ACACA: variants seen among roughly 807,000 people sequenced by gnomAD.
ACACA encodes the protein acetyl-CoA carboxylase 1.
ACACA carries 103 observed loss-of-function variants against 296.1 expected under a neutral mutation model. That is an observed-to-expected ratio of 0.35 (90% CI 0.30 to 0.41). The LOEUF is 0.41. Among genes scored for constraint, ACACA ranks in the 10% least tolerant of loss-of-function variants. ACACA has a pLI of 1.00. For synonymous variants in ACACA, 953 were observed against 1,038.6 expected (o/e 0.92, Z 1.58); for missense variants, 1,554 against 2,989.7 (o/e 0.52, Z 11.20).
At chr17:37,197,689 C>T (rs2078066100) in intron 35 of ACACA, among the ~76,000 whole-genome samples, 1 of 152,162 alleles carries the variant, frequency 6.6e-6, no homozygotes, top group Non-Finnish European at 1.5e-5. Flanking sequence ...TTTCTGCCAA[C>T]GCTTCCTGGC....
intron 54 of ACACA, among the ~76,000 whole-genome samples, chr17:37,094,421 A>T (rs1163873746): frequency 6.6e-6 from 1 of 152,242 alleles, no homozygotes; most frequent in Non-Finnish European, 1.5e-5. Flanking sequence ...CATAGCTAAT[A>T]GATGCCTATC....
intron 43 of ACACA, among the ~76,000 whole-genome samples, chr17:37,153,076 AATTAACTAC>A (rs1257545296): frequency 6.6e-6 from 1 of 152,210 alleles, no homozygotes; most frequent in Non-Finnish European, 1.5e-5. Context: ...TAAGGGGGTT[AATTAACTAC>A]ATTAATTGTA....
chr17:37,350,083 A>C (rs1331166795), intron 1 of ACACA, among the ~76,000 whole-genome samples: 1 of 152,088 alleles, frequency 6.6e-6, no homozygotes, highest in Non-Finnish European at 1.5e-5. Flanking sequence ...TAATCCCAAC[A>C]CTTTCGGAGG....
At chr17:37,279,494 G>A (rs1308025338) in intron 5 of ACACA, among the ~76,000 whole-genome samples, 1 of 151,994 alleles carries the variant, frequency 6.6e-6, no homozygotes, top group Non-Finnish European at 1.5e-5. Context: ...ATTAGCCGGG[G>A]ATGGTGGCAC....
intron 1 of ACACA, chr17:37,360,094 T>C (rs1410068612): frequency 6.6e-6 from 1 of 152,060 alleles, no homozygotes; most frequent in African/African-American, 2.4e-5. Flanking sequence ...TAGCAAGACT[T>C]TCATGGTAGC....
Position 37,222,333 on chromosome 17 carries a change from A to C in ACACA, c.3565-491T>G, listed in dbSNP as rs138078326. 3.8e-4 allele frequency among the ~76,000 whole-genome samples: 58 copies of C among 152,242 alleles called. 1 individual carries two copies. The highest frequency in any genetic ancestry group is 1.4e-3 in the African/African-American group (57 of 41,530). The stretch of plus-strand genomic sequence containing the variant: ...GTCTTGCGTCCTCCCCGACTTCCCC[A>C]CCCGCTCAAAATCAGTTTTCAGCAA... On this transcript the variant is annotated intron_variant, in intron 28 of 55. Coordinates refer to ENST00000616317, the MANE Select transcript of ACACA (RefSeq NM_198834.3).
At chr17:37,351,570 T>C (rs1309086477) in intron 1 of ACACA, among the ~76,000 whole-genome samples, 2 of 152,256 alleles carry the variant, frequency 1.3e-5, no homozygotes, top group South Asian at 4.1e-4. Flanking sequence ...ATTAATTCCA[T>C]GCTACTCTGA....
At chr17:37,175,615 C>T (rs2077082897) in intron 41 of ACACA, among the ~76,000 whole-genome samples, 1 of 152,192 alleles carries the variant, frequency 6.6e-6, no homozygotes. Context: ...TCCGTTTAGT[C>T]TATGCTGCAA....
intron 12 of ACACA, 55 bp from the exon 13 acceptor site, chr17:37,258,428 T>A: frequency 6.5e-7 from 1 of 1,549,726 alleles, no homozygotes; most frequent in African/African-American, 1.4e-5. Context: ...CCTTAAAGTG[T>A]AGAGGCTATC....
chr17:37,259,627 G>C, intron 11 of ACACA, 97 bp from the exon 12 acceptor site: 6 of 1,366,968 alleles, frequency 4.4e-6, no homozygotes, highest in Non-Finnish European at 6.3e-6. Context: ...GTGTGTATAA[G>C]AGCCATCAAA....
chr17:37,109,467 G>A (rs1454944461), intron 52 of ACACA, among the ~76,000 whole-genome samples: 2 of 152,198 alleles, frequency 1.3e-5, no homozygotes, highest in African/African-American at 2.4e-5. Context: ...CTCGTAGTTC[G>A]TTATTCTTAT....
At chr17:37,108,693 A>G (rs2073827167) in intron 52 of ACACA, among the ~76,000 whole-genome samples, 1 of 152,090 alleles carries the variant, frequency 6.6e-6, no homozygotes, top group African/African-American at 2.4e-5. Flanking sequence ...CGGAGTAATT[A>G]TGTTTTTGAA....
intron 41 of ACACA, among the ~76,000 whole-genome samples, chr17:37,174,004 ATATATATATATATATATTT>A (rs1598063143): frequency 9.0e-5 from 1 of 11,152 alleles, no homozygotes; most frequent in East Asian, 2.9e-3. Flanking sequence ...ATATATATAT[ATATATATATATATATATTT>A]TTTTTTTTTT....
chr17:37,394,939 C>G (rs891384232), intron 1 of ACACA, among the ~76,000 whole-genome samples: 3 of 151,140 alleles, frequency 2.0e-5, no homozygotes, highest in Non-Finnish European at 2.9e-5. Context: ...AGTACATTCT[C>G]ATTATAAAAG....
chr17:37,376,081 G>A (rs368122704), intron 1 of ACACA: 82 of 1,609,648 alleles, frequency 5.1e-5, no homozygotes, highest in Middle Eastern at 3.3e-4. Flanking sequence ...ATGAGCATGT[G>A]CTCAAGCTAA....
chr17:37,218,841 C>T (rs943191446), intron 29 of ACACA, among the ~76,000 whole-genome samples: 3 of 152,178 alleles, frequency 2.0e-5, no homozygotes. Context: ...AAGAAAAGTA[C>T]TTGGCTCAAA....
intron 41 of ACACA, among the ~76,000 whole-genome samples, chr17:37,179,055 A>G (rs2077223640): frequency 6.6e-6 from 1 of 152,210 alleles, no homozygotes; most frequent in African/African-American, 2.4e-5. Context: ...TTTGTGTTAA[A>G]ACAATACTAT....
chr17:37,389,249 C>A (rs1013032592), intron 1 of ACACA: 2 of 1,582,990 alleles, frequency 1.3e-6, no homozygotes, highest in African/African-American at 2.7e-5. Flanking sequence ...CCTTCAGTAT[C>A]AATGCCTAGG....
rs1363100627 is a variant in ACACA at position 37,406,822 on chromosome 17, AG to A, written c.-524del. The A allele has an allele frequency of 6.8e-6, 1 of 147,156 alleles. No individual in the cohort carries two copies. Among genetic ancestry groups the A allele is most frequent in the East Asian group, 2.0e-4 (1 of 5,022 alleles). 9.1% of individuals were successfully genotyped at this position (147,156 alleles called of 1,614,324 possible). On this transcript the variant is annotated 5_prime_UTR_variant, in exon 1 of 56. Transcript: ENST00000616317. ...CACCCGGCGGGGGCCTCCACGGCCGAGGGGCGGAGGCGGCGGGCGCGCGGCA... is the reference window on the plus strand; with the variant it reads ...CACCCGGCGGGGGCCTCCACGGCCGAGGGCGGAGGCGGCGGGCGCGCGGCA...
Sources: gnomAD v4.1 joint callset for allele counts (sites outside exome capture counted in the v4.1 genomes callset) on GRCh38, gnomAD v4.1.1 for gene constraint, MANE v1.5 for transcripts, NCBI Gene and HGNC (gene_info 2026-07-23, HGNC 2026-07-21) for gene names.